The following RALGPS1 variants were observed in gnomAD, a reference collection of about 807,000 sequenced individuals.
RALGPS1 encodes the protein ras-specific guanine nucleotide-releasing factor RalGPS1.
RALGPS1 carries 19 observed loss-of-function variants against 78.8 expected under a neutral mutation model. The ratio of observed to expected loss-of-function variants is 0.24; its 90% CI spans 0.17 to 0.35. RALGPS1 has a LOEUF of 0.35. Ranked by LOEUF, RALGPS1 falls within the 10% of genes least tolerant of loss-of-function variation. The pLI, the probability that RALGPS1 is intolerant of heterozygous loss-of-function variation, is 1.00. For synonymous variants in RALGPS1, 228 were observed against 256.3 expected (o/e 0.89, Z 1.06); for missense variants, 454 against 688.3 (o/e 0.66, Z 3.81).
intron 5 of RALGPS1, among the ~76,000 whole-genome samples, chr9:127,043,400 C>CA (rs34894330): frequency 2.4e-3 from 325 of 136,662 alleles, no homozygotes; most frequent in Middle Eastern, 0.013. Context: ...TGTGTATATG[C>CA]AAAAAAAAAA....
At chr9:126,952,396 A>G (rs2037907277) in intron 1 of RALGPS1, among the ~76,000 whole-genome samples, 1 of 152,086 alleles carries the variant, frequency 6.6e-6, no homozygotes, top group Non-Finnish European at 1.5e-5. Flanking sequence ...CCAGTCTGAC[A>G]TGTGCTTACG....
intron 11 of RALGPS1, among the ~76,000 whole-genome samples, chr9:127,176,550 G>A (rs953166348): frequency 7.9e-5 from 12 of 152,228 alleles, no homozygotes; most frequent in Non-Finnish European, 1.5e-5. Context: ...AAATGAAAGT[G>A]GTGGTCTGTC....
chr9:127,102,463 G>C (rs1314718372), intron 8 of RALGPS1, among the ~76,000 whole-genome samples: 2 of 152,102 alleles, frequency 1.3e-5, no homozygotes, highest in Non-Finnish European at 2.9e-5. Context: ...GGGTTTTCTA[G>C]ATTTCTTTCA....
intron 4 of RALGPS1, among the ~76,000 whole-genome samples, chr9:126,999,286 C>G (rs558705986): frequency 1.1e-4 from 17 of 152,176 alleles, no homozygotes; most frequent in Non-Finnish European, 1.5e-4. Flanking sequence ...GCGTCCTCCC[C>G]CAGAGTGGAT....
At chr9:126,933,198 G>T (rs934499712) in intron 1 of RALGPS1, among the ~76,000 whole-genome samples, 1 of 152,162 alleles carries the variant, frequency 6.6e-6, no homozygotes, top group Non-Finnish European at 1.5e-5. Flanking sequence ...TAAGGAAATG[G>T]GAGGAGAAAG....
chr9:127,154,196 G>A (rs767382988), intron 8 of RALGPS1, among the ~76,000 whole-genome samples: 1 of 152,242 alleles, frequency 6.6e-6, no homozygotes, highest in Non-Finnish European at 1.5e-5. Flanking sequence ...TGGGAATAGC[G>A]CTGCCTACAG....
At chr9:127,129,621 G>A (rs1352791844) in intron 8 of RALGPS1, among the ~76,000 whole-genome samples, 1 of 152,228 alleles carries the variant, frequency 6.6e-6, no homozygotes, top group African/African-American at 2.4e-5. Context: ...GAGCAGGGTG[G>A]TGTCACCCCA....
intron 8 of RALGPS1, among the ~76,000 whole-genome samples, chr9:127,132,475 T>C (rs1008270364): frequency 1.3e-5 from 2 of 152,224 alleles, no homozygotes; most frequent in African/African-American, 4.8e-5. Context: ...ATTGACACGA[T>C]GGTGTGATCA....
At chr9:126,943,181 T>A (rs765103993) in intron 1 of RALGPS1, among the ~76,000 whole-genome samples, 13 of 152,186 alleles carry the variant, frequency 8.5e-5, no homozygotes, top group Non-Finnish European at 1.3e-4. Context: ...CTCACTCTGT[T>A]GCCCAGGCTA....
intron 4 of RALGPS1, among the ~76,000 whole-genome samples, chr9:126,985,508 T>C (rs1242328513): frequency 2.6e-5 from 4 of 152,236 alleles, no homozygotes; most frequent in Non-Finnish European, 4.4e-5. Context: ...ATTCCCTTGA[T>C]ATTTATATAT....
intron 8 of RALGPS1, among the ~76,000 whole-genome samples, chr9:127,150,590 T>C (rs554411329): frequency 6.6e-6 from 1 of 152,358 alleles, no homozygotes; most frequent in South Asian, 2.1e-4. Flanking sequence ...TCCTGCTTCC[T>C]GCATTTGAGA....
intron 4 of RALGPS1, among the ~76,000 whole-genome samples, chr9:127,016,167 G>T (rs2044805073): frequency 6.6e-6 from 1 of 151,926 alleles, no homozygotes; most frequent in African/African-American, 2.4e-5. Context: ...ATTTATCCCT[G>T]TACAACAGTG....
At chr9:126,970,470 C>A (rs1415102407) in intron 3 of RALGPS1, among the ~76,000 whole-genome samples, 1 of 152,150 alleles carries the variant, frequency 6.6e-6, no homozygotes, top group Non-Finnish European at 1.5e-5. Context: ...TAGAAGGGAT[C>A]TGTGGAATAG....
At chr9:127,210,901 A>G in intron 14 of RALGPS1, 1 of 806,360 alleles carries the variant, frequency 1.2e-6, no homozygotes, top group South Asian at 1.8e-5. Flanking sequence ...ACATGAGTCT[A>G]CTGCCAGGTG....
chr9:127,210,399 C>T (rs571326384), intron 14 of RALGPS1: 5 of 439,572 alleles, frequency 1.1e-5, no homozygotes, highest in African/African-American at 6.0e-5. Context: ...GGCAAGTGGG[C>T]GTGCCTGGAT....
intron 4 of RALGPS1, among the ~76,000 whole-genome samples, chr9:127,029,342 G>A (rs1180208314): frequency 2.0e-5 from 3 of 152,210 alleles, no homozygotes; most frequent in South Asian, 2.1e-4. Flanking sequence ...TATCTCCCAG[G>A]GTGTTTCAGA....
intron 1 of RALGPS1, among the ~76,000 whole-genome samples, chr9:126,916,097 T>G (rs946571332): frequency 2.0e-5 from 3 of 152,214 alleles, no homozygotes; most frequent in African/African-American, 7.2e-5. Flanking sequence ...CAGTGCCTAC[T>G]GAGCAAATCG....
chr9:127,143,660 T>G (rs1444285291), intron 8 of RALGPS1, among the ~76,000 whole-genome samples: 3 of 152,208 alleles, frequency 2.0e-5, no homozygotes. Flanking sequence ...CACCTCTTAT[T>G]TGGTCAAGGT....
At chr9:127,144,078 G>GA (rs1443668830) in intron 8 of RALGPS1, among the ~76,000 whole-genome samples, 1 of 152,164 alleles carries the variant, frequency 6.6e-6, no homozygotes, top group Non-Finnish European at 1.5e-5. Context: ...CTGAAGCCTG[G>GA]AACCCTCAGC....
Sources: gnomAD v4.1 joint callset for allele counts (sites outside exome capture counted in the v4.1 genomes callset) on GRCh38, gnomAD v4.1.1 for gene constraint, MANE v1.5 for transcripts, NCBI Gene and HGNC (gene_info 2026-07-23, HGNC 2026-07-21) for gene names.